Variants in C5orf22 observed in about 807,000 individuals in gnomAD.
C5orf22 encodes the protein UPF0489 protein C5orf22.
C5orf22 carries 36 observed loss-of-function variants against 48.7 expected under a neutral mutation model. The ratio of observed to expected loss-of-function variants is 0.74; its 90% confidence interval spans 0.57 to 0.98. C5orf22 has a LOEUF of 0.98. Ranked by LOEUF, C5orf22 falls within the 50% of genes least tolerant of loss-of-function variation. The pLI is 0.00. For missense variants in C5orf22, 486 were observed against 521.9 expected (o/e 0.93, Z 0.67); for synonymous variants, 141 against 180.8 (o/e 0.78, Z 1.76).
At chr5:31,552,735 A>G (rs372776108) in intron 8 of C5orf22, 38 bp from the exon 9 acceptor site, 181 of 1,586,612 alleles carry the variant, frequency 1.1e-4, no homozygotes, top group Admixed American at 2.2e-4. Flanking sequence ...ATTTTATCCT[A>G]TGTGTATTTT....
chr5:31,536,764 T>C (rs1273529755), intron 3 of C5orf22, among the ~76,000 whole-genome samples: 1 of 152,230 alleles, frequency 6.6e-6, no homozygotes, highest in Non-Finnish European at 1.5e-5. Flanking sequence ...ATGTTTTGTG[T>C]ATCTTGTGAT....
Position 31,532,383 on chromosome 5 carries a change from G to A in C5orf22, c.-10G>A, listed in dbSNP as rs1464457503. On this transcript the variant is annotated 5_prime_UTR_variant, in exon 1 of 9. Transcript: ENST00000325366. ...CACCGCTTTACTGCAAAACTGACGG[G>A]CGCAAAAACATGAGTGACTCCGCGG... is the stretch of plus-strand genomic sequence containing the variant. 3 of 1,613,994 alleles carry A rather than the reference G, an allele frequency of 1.9e-6. No individual in the cohort carries two copies. The highest frequency in any genetic ancestry group is 1.7e-6 in the Non-Finnish European group (2 of 1,179,954).
At chr5:31,539,639 C>A (rs566726694) in intron 4 of C5orf22, among the ~76,000 whole-genome samples, 3 of 152,194 alleles carry the variant, frequency 2.0e-5, no homozygotes, top group Non-Finnish European at 4.4e-5. Flanking sequence ...AGCCTAAATA[C>A]CCTTTGGTAC....
intron 7 of C5orf22, 63 bp downstream of exon 7, chr5:31,545,775 A>T: frequency 9.2e-7 from 1 of 1,092,036 alleles, no homozygotes; most frequent in South Asian, 1.4e-5. Context: ...TGGGTAGAAG[A>T]ATTTCCTTTT....
At chr5:31,548,457 G>T in intron 7 of C5orf22, 1 of 365,912 alleles carries the variant, frequency 2.7e-6, no homozygotes, top group Non-Finnish European at 5.4e-6. Context: ...CAGTCTCTTT[G>T]CTAAAATATA....
At chr5:31,551,815 C>T (rs2150082174) in intron 8 of C5orf22, among the ~76,000 whole-genome samples, 1 of 152,288 alleles carries the variant, frequency 6.6e-6, no homozygotes, top group Non-Finnish European at 1.5e-5. Flanking sequence ...ACCTCCAAAA[C>T]TATATAATAA....
intron 5 of C5orf22, 132 bp from the exon 6 acceptor site, chr5:31,541,149 T>G (rs1335506384): frequency 1.4e-5 from 14 of 980,780 alleles, no homozygotes; most frequent in Non-Finnish European, 2.0e-5. Context: ...TGTGTGTGTG[T>G]ATTGGCGAAG....
At chr5:31,551,487 T>C in intron 8 of C5orf22, 55 bp downstream of exon 8, 1 of 1,352,382 alleles carries the variant, frequency 7.4e-7, no homozygotes, top group East Asian at 2.3e-5. Flanking sequence ...TCCTAATCTC[T>C]GGAACCTGTG....
rs191302275 is a variant in C5orf22, at chr5:31,532,596, A to C, written c.81+123A>C. ...GAGTTAACCAGAGTTAAACTGCCCT[A>C]TTCCGTTGCTGTGGAGAGGACCCCA... On this transcript the variant is annotated intron_variant, in intron 1 of 8. Transcript: ENST00000325366. The C allele has an allele frequency of 7.3e-5, 57 of 782,242 alleles. No homozygotes were observed. The African/African-American group carries it at 8.5e-4, about 12-fold the overall frequency. 48.5% of individuals were successfully genotyped at this position (782,242 alleles called of 1,614,324 possible).
intron 7 of C5orf22, among the ~76,000 whole-genome samples, chr5:31,549,789 T>C (rs1743132633): frequency 6.6e-6 from 1 of 152,178 alleles, no homozygotes; most frequent in South Asian, 2.1e-4. Flanking sequence ...GGCAGGAGGA[T>C]TGCTTGAGCC....
chr5:31,534,639 C>T (rs138096955), intron 2 of C5orf22: 276 of 505,496 alleles, frequency 5.5e-4, no homozygotes, highest in African/African-American at 4.8e-3. Flanking sequence ...TCTGTTGCAA[C>T]TATTAATCTT....
At position 31,534,412 on chromosome 5, in the gene C5orf22, CTT is replaced by C. The variant is rs1355046403; in HGVS notation, c.224_225del (p.Phe75TrpfsTer6). On this transcript the variant is annotated frameshift_variant, in exon 2 of 9. Coordinates refer to ENST00000325366, the MANE Select transcript of C5orf22 (RefSeq NM_018356.3). LOFTEE classifies it high-confidence loss of function. ...ACACCGTGTTTGATAAGGAAACACT[CTT>C]TGGGTAATATGTGATTTTATTTATG... ...ADTVFDKETL[F>X]GELSIENWIM... is the part of the protein sequence containing the mutation. 6.2e-7 allele frequency: 1 copy of C among 1,605,080 alleles called. No homozygotes were observed. Among genetic ancestry groups the C allele is most frequent in the African/African-American group, 1.3e-5 (1 of 74,370 alleles).
In C5orf22 at chr5:31,535,791, A is replaced by G; in HGVS notation, c.275A>G (p.His92Arg). ...NWIMPAVYAG[H>R]FSHVIWFHPT... ...ATTATGCCTGCAGTTTATGCTGGCCATTTTTCACATGTAATATGGTTTCAT... is the reference window on the plus strand; with the variant it reads ...ATTATGCCTGCAGTTTATGCTGGCCGTTTTTCACATGTAATATGGTTTCAT... Residue 92 changes from histidine (H) to arginine (R), a missense_variant, in exon 3 of 9, where the codon CAT becomes CGT. Physicochemically the swap from His to Arg is conservative, Grantham distance 29 (BLOSUM62 0). Transcript: ENST00000325366. The G allele has an allele frequency of 1.2e-6, 2 of 1,612,800 alleles. No individual in the cohort carries two copies. The highest frequency in any genetic ancestry group is 1.7e-6 in the Non-Finnish European group (2 of 1,179,520).
chr5:31,532,423 C>T lies in C5orf22; in HGVS notation c.31C>T (p.Leu11Phe), dbSNP rs546645613. ...TGACTCCGCGGGAGGGCGCGCTGGT[C>T]TCCGGCGTTACCCCAAGCTCCCAGT... MSDSAGGRAG[L>F]RRYPKLPVWV... Residue 11 changes from leucine (L) to phenylalanine (F), a missense_variant, in exon 1 of 9, where the codon CTC becomes TTC. By Grantham distance (22) the Leu-to-Phe change is conservative. Coordinates refer to ENST00000325366, the MANE Select transcript of C5orf22 (RefSeq NM_018356.3). The T allele has an allele frequency of 4.2e-4, 678 of 1,613,982 alleles. 8 individuals are homozygous for T. The South Asian group carries it at 7.0e-3, about 17-fold the overall frequency.
chr5:31,548,631 G>C (rs1184127886), intron 7 of C5orf22: 1 of 439,654 alleles, frequency 2.3e-6, no homozygotes, highest in Non-Finnish European at 4.5e-6. Context: ...GCCTTCTTCT[G>C]AGCCCTCCAA....
rs1162962933 is a variant in C5orf22, at chr5:31,541,270, T to C, written c.871-11T>C. The C allele has an allele frequency of 1.2e-6, 2 of 1,607,686 alleles. No homozygotes were observed. The highest frequency in any genetic ancestry group is 1.7e-6 in the Non-Finnish European group (2 of 1,175,208). ...TAACTATATAATCTCAGCTTTTCAA[T>C]GTATTTAAAGGAAGATTTGGTAGAT... On this transcript the variant is annotated splice_polypyrimidine_tract_variant and intron_variant, in intron 5 of 8. Transcript: ENST00000325366.
At chr5:31,551,984 T>G (rs1743297073) in intron 8 of C5orf22, among the ~76,000 whole-genome samples, 1 of 152,244 alleles carries the variant, frequency 6.6e-6, no homozygotes, top group Non-Finnish European at 1.5e-5. Flanking sequence ...ATACTTGTAC[T>G]AAGGAGTAGG....
At chr5:31,540,534 T>C (rs1444340407) in intron 4 of C5orf22, among the ~76,000 whole-genome samples, 1 of 152,210 alleles carries the variant, frequency 6.6e-6, no homozygotes, top group African/African-American at 2.4e-5. Flanking sequence ...GGGAGTTCTT[T>C]GTTGTTGTTA....
chr5:31,554,545 A>G lies in C5orf22; in HGVS notation c.*1643A>G, dbSNP rs961479153. 2.0e-5 allele frequency: 3 copies of G among 152,214 alleles called. No homozygotes were observed. The highest frequency in any genetic ancestry group is 1.3e-4 in the Admixed American group (2 of 15,274). The allele number at this position is 152,214 out of a possible 1,614,324, so 9.4% of individuals were successfully genotyped here. A position where few individuals can be genotyped will look rare whatever the true frequency, so the allele number is the denominator to read the frequency against. On this transcript the variant is annotated 3_prime_UTR_variant, in exon 9 of 9. Transcript: ENST00000325366. ...AAAAAAGGTTTATTTTCTTGGTAAAATCAGAATTGTAGAATTGTGCTATTT... is the reference window on the plus strand; with the variant it reads ...AAAAAAGGTTTATTTTCTTGGTAAAGTCAGAATTGTAGAATTGTGCTATTT...
Sources: gnomAD v4.1 joint callset for allele counts (sites outside exome capture counted in the v4.1 genomes callset) on GRCh38, gnomAD v4.1.1 for gene constraint, MANE v1.5 for transcripts, NCBI Gene and HGNC (gene_info 2026-07-23, HGNC 2026-07-21) for gene names.